The following DUSP16 variants were observed in gnomAD, a reference collection of about 807,000 sequenced individuals.
DUSP16 encodes the protein dual specificity protein phosphatase 16.
Under a neutral mutation model 58.3 loss-of-function variants are expected in DUSP16, and 21 were observed. The observed-to-expected ratio is 0.36, with a 90% CI of 0.26 to 0.52. DUSP16 has a LOEUF of 0.52. Ranked by LOEUF, DUSP16 falls within the 20% of genes least tolerant of loss-of-function variation. DUSP16 has a pLI of 0.94. For synonymous variants in DUSP16, 320 were observed against 323.8 expected (o/e 0.99, Z 0.12); for missense variants, 726 against 819.0 (o/e 0.89, Z 1.39).
rs115146549 is a variant in DUSP16 at position 12,542,447 on chromosome 12, G to A, written c.-366+19670C>T. Among the ~76,000 whole-genome samples, 539 of 150,088 alleles carry A rather than the reference G, an allele frequency of 3.6e-3. 4 individuals are homozygous for A. The highest frequency in any genetic ancestry group is 0.012 in the African/African-American group (503 of 40,914). ...AAGGGCAAATGCATAGGGACAGGAA[G>A]TAAATCAGCAGTTGCCAGGGGCTGG... On this transcript the variant is annotated intron_variant, in intron 1 of 6. Coordinates refer to ENST00000298573, the MANE Select transcript of DUSP16 (RefSeq NM_030640.3).
chr12:12,541,895 C>CA (rs1255991841), intron 1 of DUSP16, among the ~76,000 whole-genome samples: 2 of 150,622 alleles, frequency 1.3e-5, no homozygotes, highest in African/African-American at 2.5e-5. Flanking sequence ...TATAAACAGC[C>CA]AAAAAAATTA....
intron 1 of DUSP16, among the ~76,000 whole-genome samples, chr12:12,532,460 G>A (rs554824500): frequency 1.3e-5 from 2 of 152,174 alleles, no homozygotes; most frequent in Non-Finnish European, 2.9e-5. Flanking sequence ...CACATACGAT[G>A]GATATGTATA....
At chr12:12,490,354 A>G (rs982513621) in intron 4 of DUSP16, among the ~76,000 whole-genome samples, 3 of 152,182 alleles carry the variant, frequency 2.0e-5, no homozygotes, top group African/African-American at 4.8e-5. Flanking sequence ...TTTTTGGAAT[A>G]GTAAGATGGG....
At chr12:12,486,398 A>G (rs1435407890) in intron 5 of DUSP16, among the ~76,000 whole-genome samples, 2 of 151,908 alleles carry the variant, frequency 1.3e-5, no homozygotes, top group Non-Finnish European at 2.9e-5. Flanking sequence ...AAGCTCCAGA[A>G]TTGAACAAGC....
intron 1 of DUSP16, among the ~76,000 whole-genome samples, chr12:12,538,333 A>C (rs546658355): frequency 1.3e-5 from 2 of 152,342 alleles, no homozygotes; most frequent in East Asian, 1.9e-4. Context: ...GAAGTCAGTC[A>C]TGTCACGTCA....
rs374333042 is a variant in DUSP16, at chr12:12,487,170, A to G, written c.549T>C (p.Asn183=). ...DVLNKELMQQ[N]GIGYVLNASN... The stretch of plus-strand genomic sequence containing the variant: ...TGGCATTTAACACATAACCAATCCC[A>G]TTCTGCTGCATCAGCTCCTATGGAG... Residue 183 remains asparagine, a synonymous_variant, in exon 5 of 7, where the codon AAT becomes AAC. Transcript: ENST00000298573. 125 of 1,614,106 alleles carry G rather than the reference A, an allele frequency of 7.7e-5. No individual in the cohort carries two copies. Among genetic ancestry groups the G allele is most frequent in the Non-Finnish European group, 1.1e-4 (124 of 1,179,964 alleles).
At position 12,475,680 on chromosome 12, in the gene DUSP16, G is replaced by GAAAC. The variant is rs1244788367; in HGVS notation, c.*1149_*1152dup. ...TGCCGAGGGGATAAAAGCCACTAAG[G>GAAAC]AAACAGGTTTCCTGCTTCTCCTCAG... On this transcript the variant is annotated 3_prime_UTR_variant, in exon 7 of 7. Coordinates refer to ENST00000298573, the MANE Select transcript of DUSP16 (RefSeq NM_030640.3). 3 of 152,184 alleles carry GAAAC rather than the reference G, an allele frequency of 2.0e-5. No homozygotes were observed. The highest frequency in any genetic ancestry group is 3.8e-4 in the East Asian group (2 of 5,198). 9.4% of individuals were successfully genotyped at this position (152,184 alleles called of 1,614,324 possible).
intron 1 of DUSP16, among the ~76,000 whole-genome samples, chr12:12,524,759 T>C (rs1048495698): frequency 4.6e-5 from 7 of 152,214 alleles, no homozygotes; most frequent in African/African-American, 1.4e-4. Context: ...GCTGCTAAAG[T>C]TGAAATACTT....
intron 1 of DUSP16, among the ~76,000 whole-genome samples, chr12:12,539,579 C>T (rs890378680): frequency 5.3e-5 from 8 of 152,082 alleles, no homozygotes; most frequent in Admixed American, 3.3e-4. Context: ...CCATTACTAA[C>T]GGCTAATCAC....
intron 4 of DUSP16, chr12:12,491,300 C>T (rs1943757913): frequency 6.6e-6 from 1 of 152,026 alleles, no homozygotes; most frequent in African/African-American, 2.4e-5. Context: ...ATCCTCCCGT[C>T]TCAGCCTCCC....
chr12:12,532,699 G>T (rs1160947769), intron 1 of DUSP16, among the ~76,000 whole-genome samples: 2 of 152,162 alleles, frequency 1.3e-5, no homozygotes, highest in African/African-American at 4.8e-5. Context: ...TGTTATCCTA[G>T]CACTTTGGGA....
chr12:12,544,488 T>C (rs1254317468), intron 1 of DUSP16, among the ~76,000 whole-genome samples: 1 of 152,182 alleles, frequency 6.6e-6, no homozygotes, highest in Admixed American at 6.5e-5. Flanking sequence ...GGAGTGGGTT[T>C]GCTAGGTTAA....
In DUSP16 at chr12:12,528,397, C is replaced by T. The variant is rs191008040; in HGVS notation, c.-365-6934G>A. 5.9e-5 allele frequency among the ~76,000 whole-genome samples: 9 copies of T among 152,232 alleles called. No homozygotes were observed. The South Asian group carries it at 8.3e-4, about 14-fold the overall frequency. ...TGAAGTTACTGGGCAAGAGGAAATA[C>T]GGCCAGGGATTGGCTTAATCTGAGA... On this transcript the variant is annotated intron_variant, in intron 1 of 6. Coordinates refer to ENST00000298573, the MANE Select transcript of DUSP16 (RefSeq NM_030640.3).
intron 1 of DUSP16, among the ~76,000 whole-genome samples, chr12:12,533,516 C>A (rs1210964108): frequency 6.6e-6 from 1 of 152,170 alleles, no homozygotes; most frequent in Non-Finnish European, 1.5e-5. Flanking sequence ...CAGCCAGGCC[C>A]AGGGGTAGCT....
chr12:12,485,786 CTTTTTT>C (rs749939375), intron 5 of DUSP16, among the ~76,000 whole-genome samples: 2 of 107,696 alleles, frequency 1.9e-5, no homozygotes, highest in African/African-American at 3.9e-5. Flanking sequence ...GCCAATTCCA[CTTTTTT>C]TTTTTTTTTT....
intron 1 of DUSP16, among the ~76,000 whole-genome samples, chr12:12,523,130 T>G (rs1944259045): frequency 6.6e-6 from 1 of 152,362 alleles, no homozygotes; most frequent in African/African-American, 2.4e-5. Flanking sequence ...TATAAAGAGA[T>G]GTAGCTTTGC....
intron 1 of DUSP16, among the ~76,000 whole-genome samples, chr12:12,541,229 G>T (rs1357779648): frequency 6.6e-6 from 1 of 152,040 alleles, no homozygotes; most frequent in Non-Finnish European, 1.5e-5. Context: ...AAAGTCCTGG[G>T]ATTATGGGCG....
At chr12:12,487,235 C>T in intron 4 of DUSP16, 48 bp from the exon 5 acceptor site, 1 of 1,576,870 alleles carries the variant, frequency 6.3e-7, no homozygotes, top group Non-Finnish European at 8.7e-7. Flanking sequence ...ATATAGTAAA[C>T]ATGATCATTC....
intron 3 of DUSP16, among the ~76,000 whole-genome samples, chr12:12,509,364 ATTT>A (rs139429967): frequency 3.9e-5 from 6 of 151,902 alleles, no homozygotes. Context: ...TGGTCCCAAA[ATTT>A]TTTTACCAGG....
Sources: allele counts gnomAD v4.1 joint callset (sites outside exome capture counted in the v4.1 genomes callset), GRCh38; gene constraint gnomAD v4.1.1; transcripts MANE v1.5; gene names NCBI Gene and HGNC (gene_info 2026-07-23, HGNC 2026-07-21).